The following C18orf63 variants were observed in gnomAD, a reference collection of about 807,000 sequenced individuals.
The protein encoded by C18orf63 is uncharacterized protein C18orf63.
Under a neutral mutation model 75.3 loss-of-function variants are expected in C18orf63, and 50 were observed. The ratio of observed to expected loss-of-function variants is 0.66; its 90% CI spans 0.53 to 0.84. The LOEUF (loss-of-function observed/expected upper bound fraction) is 0.84. Among genes scored for constraint, C18orf63 ranks in the 40% least tolerant of loss-of-function variants. The pLI is 0.00. For synonymous variants in C18orf63, 232 were observed against 267.6 expected (o/e 0.87, Z 1.30); for missense variants, 732 against 800.2 (o/e 0.91, Z 1.03).
chr18:74,353,159 A>C, intron 11 of C18orf63, 87 bp from the exon 12 acceptor site: 1 of 906,594 alleles, frequency 1.1e-6, no homozygotes, highest in Non-Finnish European at 1.6e-6. Flanking sequence ...TTATATTCTT[A>C]TTTGGATGAT....
chr18:74,355,052 G>A lies in C18orf63; in HGVS notation c.*33+506G>A, dbSNP rs774282604. On this transcript the variant is annotated intron_variant, in intron 13 of 13. Coordinates refer to ENST00000579455, the MANE Select transcript of C18orf63 (RefSeq NM_001174123.2). ...ACTGAATTTACAACATGATACATCT[G>A]GAAATTACATTTTATTTTGTTCTGC... Among the ~76,000 whole-genome samples the A allele has an allele frequency of 2.2e-3, 336 of 152,194 alleles. 2 individuals are homozygous for A. Among genetic ancestry groups the A allele is most frequent in the Non-Finnish European group, 4.1e-3 (277 of 68,008 alleles).
At chr18:74,346,344 A>G (rs1006472950) in intron 11 of C18orf63, among the ~76,000 whole-genome samples, 12 of 152,088 alleles carry the variant, frequency 7.9e-5, no homozygotes, top group African/African-American at 2.9e-4. Context: ...ATTTTGCTTT[A>G]TGTATTCTGA....
At chr18:74,333,439 T>G (rs1243549479) in intron 7 of C18orf63, among the ~76,000 whole-genome samples, 1 of 152,218 alleles carries the variant, frequency 6.6e-6, no homozygotes, top group Non-Finnish European at 1.5e-5. Flanking sequence ...GAAAGAGGTT[T>G]AATTGACTCA....
chr18:74,330,797 A>T, intron 6 of C18orf63, 69 bp from the exon 7 acceptor site: 2 of 596,532 alleles, frequency 3.4e-6, no homozygotes, highest in Non-Finnish European at 5.6e-6. Context: ...TTCCTTTGTT[A>T]CTAAAATACT....
At chr18:74,355,937 T>G (rs1312144217) in intron 13 of C18orf63, among the ~76,000 whole-genome samples, 1 of 152,032 alleles carries the variant, frequency 6.6e-6, no homozygotes, top group African/African-American at 2.4e-5. Flanking sequence ...TGCATGCCTA[T>G]AGTCCCAGCT....
chr18:74,329,671 C>T (rs529069172), intron 6 of C18orf63, among the ~76,000 whole-genome samples: 3 of 152,098 alleles, frequency 2.0e-5, no homozygotes, highest in Admixed American at 2.0e-4. Context: ...TTCTTTAGTA[C>T]TGATGTAAGT....
chr18:74,326,187 A>C (rs1889814681), intron 4 of C18orf63, among the ~76,000 whole-genome samples: 1 of 152,202 alleles, frequency 6.6e-6, no homozygotes, highest in African/African-American at 2.4e-5. Flanking sequence ...CAAACTGAAG[A>C]AATTTGGTTC....
Position 74,322,684 on chromosome 18 carries a change from G to T in C18orf63, c.214-14G>T. On this transcript the variant is annotated splice_polypyrimidine_tract_variant and intron_variant, in intron 3 of 13. Transcript: ENST00000579455. ...ATGTTAAGTCCTTTTTATAAATGTG[G>T]ATTTTTGTTACAGATACCATTTTAT... is the stretch of plus-strand genomic sequence containing the variant. The T allele has an allele frequency of 8.9e-7, 1 of 1,122,022 alleles. No individual in the cohort carries two copies. Among genetic ancestry groups the T allele is most frequent in the Non-Finnish European group, 1.2e-6 (1 of 800,876 alleles). 69.5% of individuals were successfully genotyped at this position (1,122,022 alleles called of 1,614,324 possible).
rs745409540 is a variant in C18orf63, at chr18:74,354,557, T to C, written c.*33+11T>C. The C allele has an allele frequency of 1.5e-5, 18 of 1,196,326 alleles. No homozygotes were observed. In the African/African-American group the frequency reaches 2.8e-4, roughly 18 times the overall value. The allele number at this position is 1,196,326 out of a possible 1,614,324, so 74.1% of individuals were successfully genotyped here. A position where few individuals can be genotyped will look rare whatever the true frequency, so the allele number is the denominator to read the frequency against. The stretch of plus-strand genomic sequence containing the variant: ...GGAAATGTCTACCAGGTAACTGAAG[T>C]GATAGCTTTTGATTTGTTTTTACAT... On this transcript the variant is annotated intron_variant, in intron 13 of 13. Transcript: ENST00000579455.
intron 4 of C18orf63, among the ~76,000 whole-genome samples, chr18:74,323,378 C>T (rs1443138412): frequency 1.3e-5 from 2 of 152,142 alleles, no homozygotes; most frequent in Non-Finnish European, 2.9e-5. Context: ...GCCTTTAGGT[C>T]CTAGGGAAGT....
chr18:74,337,842 C>T (rs1984417281), intron 7 of C18orf63, among the ~76,000 whole-genome samples: 1 of 152,114 alleles, frequency 6.6e-6, no homozygotes. Context: ...GGATCAGTCA[C>T]TGGACATGGA....
intron 4 of C18orf63, among the ~76,000 whole-genome samples, chr18:74,326,666 T>C (rs754632776): frequency 5.9e-5 from 9 of 152,192 alleles, no homozygotes; most frequent in East Asian, 1.9e-4. Flanking sequence ...CTAGGACTTA[T>C]CTTGTTCATT....
At chr18:74,331,302 A>G (rs1984302162) in intron 7 of C18orf63, among the ~76,000 whole-genome samples, 1 of 152,202 alleles carries the variant, frequency 6.6e-6, no homozygotes. Context: ...TAAATTTAAT[A>G]TTAATTCCCC....
Position 74,322,717 on chromosome 18 carries a change from G to C in C18orf63, c.233G>C (p.Arg78Thr). 2 of 1,347,084 alleles carry C rather than the reference G, an allele frequency of 1.5e-6. No homozygotes were observed. The highest frequency in any genetic ancestry group is 2.0e-6 in the Non-Finnish European group (2 of 992,912). 83.4% of individuals were successfully genotyped at this position (1,347,084 alleles called of 1,614,324 possible). The change falls in exon 4 of 14, where the codon AGA becomes ACA. Residue 78 changes from arginine to threonine, a missense_variant. Physicochemically the swap from Arg to Thr is moderately conservative, Grantham distance 71. Around this residue, in one of 3 missense-constraint regions of C18orf63, gnomAD observed 233 missense variants for 272.7 expected, o/e 0.85. Transcript: ENST00000579455. ...VVMAIPFYKA[R>T]KLNAYVEKYG... The stretch of plus-strand genomic sequence containing the variant: ...TTACAGATACCATTTTATAAAGCAA[G>C]AAAACTTAATGCCTATGTTGAAAAA...
At chr18:74,350,254 C>T (rs1422005121) in intron 11 of C18orf63, among the ~76,000 whole-genome samples, 2 of 152,198 alleles carry the variant, frequency 1.3e-5, no homozygotes, top group East Asian at 3.9e-4. Context: ...CCTCCTCTCT[C>T]TGTTCTCTCC....
rs1246747579 is a variant in C18orf63, at chr18:74,358,612, TC to T, written c.*2171del. The T allele has an allele frequency of 6.6e-6, 1 of 152,078 alleles. No homozygotes were observed. Among genetic ancestry groups the T allele is most frequent in the African/African-American group, 2.4e-5 (1 of 41,432 alleles). 9.4% of individuals were successfully genotyped at this position (152,078 alleles called of 1,614,324 possible). A position where few individuals can be genotyped will look rare whatever the true frequency, so the allele number is the denominator to read the frequency against. On this transcript the variant is annotated 3_prime_UTR_variant, in exon 14 of 14. Coordinates refer to ENST00000579455, the MANE Select transcript of C18orf63 (RefSeq NM_001174123.2). ...GATTTATATGCAGTATGGACCATCC[TC>T]CCCCCAGAAATTATTCTTATATTCC...
chr18:74,350,182 A>G (rs1249450521), intron 11 of C18orf63, among the ~76,000 whole-genome samples: 2 of 152,070 alleles, frequency 1.3e-5, no homozygotes, highest in African/African-American at 4.8e-5. Context: ...ATGAGGTTTT[A>G]TCAGTTACTT....
At chr18:74,326,208 CA>C (rs1479309655) in intron 4 of C18orf63, among the ~76,000 whole-genome samples, 1 of 152,096 alleles carries the variant, frequency 6.6e-6, no homozygotes, top group African/African-American at 2.4e-5. Context: ...CATCCTCTGC[CA>C]ATAGATTATT....
Position 74,353,410 on chromosome 18 carries a change from T to C in C18orf63, c.1143T>C (p.Ile381=). 6.5e-7 allele frequency: 1 copy of C among 1,536,320 alleles called. No homozygotes were observed. The highest frequency in any genetic ancestry group is 8.7e-7 in the Non-Finnish European group (1 of 1,146,940). ...CAGTCAGCCAGCCAACATCAGGCAT[T>C]TTCTCAGCTTTGCATCTCCAGCCAG... The part of the protein sequence containing the change: ...ELSVSQPTSG[I]FSALHLQPES... Residue 381 remains isoleucine, a synonymous_variant, in exon 12 of 14, where the codon ATT becomes ATC. Coordinates refer to ENST00000579455, the MANE Select transcript of C18orf63 (RefSeq NM_001174123.2).
Sources: gnomAD v4.1 joint callset for allele counts (sites outside exome capture counted in the v4.1 genomes callset) on GRCh38, gnomAD v4.1.1 for gene constraint, gnomAD v4.1.1 regional missense constraint, MANE v1.5 for transcripts, NCBI Gene and HGNC (gene_info 2026-07-23, HGNC 2026-07-21) for gene names.